The following MSI2 variants were observed in gnomAD, a reference collection of about 807,000 sequenced individuals.
MSI2 encodes musashi RNA binding protein 2, also known as RNA-binding protein Musashi homolog 2.
In MSI2, 17 loss-of-function variants were observed where a neutral mutation model predicts 45.6. That is an observed-to-expected ratio of 0.37 (90% CI 0.26 to 0.56). The LOEUF is 0.56. MSI2 is among the 20% of genes least tolerant of loss of function. The probability of loss-of-function intolerance (pLI) is 0.77; values close to 1 mark genes in which losing one functional copy is unlikely to be tolerated. For missense variants in MSI2, 293 were observed against 444.2 expected (o/e 0.66, Z 3.06); for synonymous variants, 156 against 158.2 (o/e 0.99, Z 0.11).
At chr17:57,516,024 C>T (rs1253717272) in intron 6 of MSI2, among the ~76,000 whole-genome samples, 1 of 152,138 alleles carries the variant, frequency 6.6e-6, no homozygotes, top group Non-Finnish European at 1.5e-5. Flanking sequence ...AACCACAGTA[C>T]TTTGTTAAAG....
chr17:57,654,915 GTTTT>G (rs11319236), intron 11 of MSI2, among the ~76,000 whole-genome samples: 1 of 135,416 alleles, frequency 7.4e-6, no homozygotes, highest in African/African-American at 2.8e-5. Context: ...CAACGTTTGG[GTTTT>G]TTTTTTTTTT....
chr17:57,600,048 A>G (rs2144478629), intron 8 of MSI2, among the ~76,000 whole-genome samples: 2 of 152,322 alleles, frequency 1.3e-5, no homozygotes, highest in South Asian at 4.1e-4. Flanking sequence ...AGAAGCCTGC[A>G]TCCTGAATTG....
chr17:57,632,502 T>A (rs1262634424), intron 10 of MSI2: 2 of 1,066,356 alleles, frequency 1.9e-6, no homozygotes, highest in Non-Finnish European at 1.1e-6. Context: ...CGATCCACAG[T>A]GGGCCCCGCC....
rs192525980 is a variant in MSI2, at chr17:57,584,967, G to A, written c.455-11901G>A. Among the ~76,000 whole-genome samples the A allele has an allele frequency of 2.6e-4, 39 of 152,008 alleles. No homozygotes were observed. In the East Asian group the frequency reaches 7.0e-3, roughly 27 times the overall value. ...TGAGTAGCTGGGATTACAGTCATGC[G>A]CCACCACTCCTGGCTCGTTTTTGTA... On this transcript the variant is annotated intron_variant, in intron 7 of 13. Transcript: ENST00000284073.
At chr17:57,258,565 C>G (rs913045142) in intron 4 of MSI2, among the ~76,000 whole-genome samples, 9 of 152,164 alleles carry the variant, frequency 5.9e-5, no homozygotes, top group Non-Finnish European at 1.3e-4. Context: ...TCAGAGGCTG[C>G]CAAGGTTAGG....
intron 6 of MSI2, among the ~76,000 whole-genome samples, chr17:57,445,854 A>T (rs1401145091): frequency 6.6e-6 from 1 of 152,144 alleles, no homozygotes; most frequent in Admixed American, 6.5e-5. Flanking sequence ...ATTTTTCAGA[A>T]TATGGAACGC....
At chr17:57,302,040 CGTT>C (rs1305162881) in intron 5 of MSI2, among the ~76,000 whole-genome samples, 3 of 152,114 alleles carry the variant, frequency 2.0e-5, no homozygotes, top group Non-Finnish European at 4.4e-5. Context: ...TGTGGAATCT[CGTT>C]GTGGTTTTAT....
chr17:57,260,598 G>C (rs948677858), intron 4 of MSI2, among the ~76,000 whole-genome samples: 1 of 152,166 alleles, frequency 6.6e-6, no homozygotes, highest in African/African-American at 2.4e-5. Flanking sequence ...TTCTCTTGTA[G>C]ACAAGCGCTA....
In MSI2 at chr17:57,669,632, ACTC is replaced by A. The variant is rs1912633468; in HGVS notation, c.791-5337_791-5335del. ...TTCTTTAAATTTCTCTGAAACAAAA[ACTC>A]CTAAAATTCAGTGTGATGGATTAAC... is the stretch of plus-strand genomic sequence containing the variant. On this transcript the variant is annotated intron_variant, in intron 11 of 13. Transcript: ENST00000284073. 2.0e-5 allele frequency among the ~76,000 whole-genome samples: 3 copies of A among 152,260 alleles called. No homozygotes were observed. The South Asian group carries it at 6.2e-4, about 32-fold the overall frequency.
intron 5 of MSI2, among the ~76,000 whole-genome samples, chr17:57,314,719 G>A (rs1022657886): frequency 1.8e-4 from 28 of 151,898 alleles, no homozygotes; most frequent in Non-Finnish European, 2.5e-4. Context: ...TTACAGGCAC[G>A]TGCCACCACA....
chr17:57,291,713 G>A (rs1910432669), intron 5 of MSI2, among the ~76,000 whole-genome samples: 1 of 152,146 alleles, frequency 6.6e-6, no homozygotes, highest in African/African-American at 2.4e-5. Context: ...TCTACGGTAG[G>A]ACTGGATTGT....
At chr17:57,556,036 C>G (rs2087428959) in intron 7 of MSI2, among the ~76,000 whole-genome samples, 1 of 152,210 alleles carries the variant, frequency 6.6e-6, no homozygotes, top group Admixed American at 6.5e-5. Flanking sequence ...AGTTTTGTTG[C>G]TTGTAAATTT....
In MSI2 at chr17:57,509,627, G is replaced by T. The variant is rs542054400; in HGVS notation, c.406-20049G>T. Among the ~76,000 whole-genome samples the T allele has an allele frequency of 5.3e-5, 8 of 152,180 alleles. No homozygotes were observed. The South Asian group carries it at 8.3e-4, about 16-fold the overall frequency. On this transcript the variant is annotated intron_variant, in intron 6 of 13. Coordinates refer to ENST00000284073, the MANE Select transcript of MSI2 (RefSeq NM_138962.4). ...GTAGAGATGGTGTTTCACCATGTTG[G>T]CCAGGCTGGTCTCGAACACCTGACC...
rs576793444 is a variant in MSI2 at position 57,269,712 on chromosome 17, A to G, written c.312+7520A>G. On this transcript the variant is annotated intron_variant, in intron 5 of 13. Transcript: ENST00000284073. ...CCGTGATCGTGACCTCACCATGTGT[A>G]GACAGTGAGATGTCATTTCTCAATG... 8.1e-4 allele frequency among the ~76,000 whole-genome samples: 123 copies of G among 152,332 alleles called. 2 individuals are homozygous for G. Among genetic ancestry groups the G allele is most frequent in the African/African-American group, 2.9e-3 (119 of 41,570 alleles).
chr17:57,635,516 C>T (rs1909769810), intron 10 of MSI2, among the ~76,000 whole-genome samples: 1 of 152,272 alleles, frequency 6.6e-6, no homozygotes, highest in African/African-American at 2.4e-5. Flanking sequence ...GCCAAAAGGC[C>T]TCTGGGCCAA....
At chr17:57,638,653 G>A (rs990001852) in intron 10 of MSI2, among the ~76,000 whole-genome samples, 2 of 152,224 alleles carry the variant, frequency 1.3e-5, no homozygotes, top group African/African-American at 4.8e-5. Flanking sequence ...ACATTGGGAG[G>A]CCAAGGCGGG....
At position 57,614,345 on chromosome 17, in the gene MSI2, G is replaced by A. The variant is rs1451254314; in HGVS notation, c.538-1625G>A. Among the ~76,000 whole-genome samples the A allele has an allele frequency of 2.6e-5, 4 of 152,272 alleles. No homozygotes were observed. The South Asian group carries it at 6.2e-4, about 24-fold the overall frequency. Reference sequence around the variant, plus strand: ...TGGGATTACAGGTGTGAGCCACCACGTCCGGCCTAGAGGTCTCTGTTTAAA... The same window carrying A: ...TGGGATTACAGGTGTGAGCCACCACATCCGGCCTAGAGGTCTCTGTTTAAA... On this transcript the variant is annotated intron_variant, in intron 8 of 13. Coordinates refer to ENST00000284073, the MANE Select transcript of MSI2 (RefSeq NM_138962.4).
At chr17:57,309,148 T>TTTAATAAGTGAAAA (rs1435435981) in intron 5 of MSI2, among the ~76,000 whole-genome samples, 1 of 152,234 alleles carries the variant, frequency 6.6e-6, no homozygotes, top group Admixed American at 6.5e-5. Context: ...GTTAATACTC[T>TTTAATAAGTGAAAA]TTAATAAGTG....
intron 5 of MSI2, among the ~76,000 whole-genome samples, chr17:57,303,799 A>T (rs1911624330): frequency 2.0e-5 from 3 of 152,186 alleles, no homozygotes; most frequent in Admixed American, 2.0e-4. Flanking sequence ...AATACCCAGG[A>T]TGTGAATGAT....
Sources: allele counts gnomAD v4.1 joint callset (sites outside exome capture counted in the v4.1 genomes callset), GRCh38; gene constraint gnomAD v4.1.1; transcripts MANE v1.5; gene names NCBI Gene and HGNC (gene_info 2026-07-23, HGNC 2026-07-21).